HPD: variants seen among roughly 807,000 people sequenced by gnomAD.
The protein encoded by HPD is 4-hydroxyphenylpyruvic acid oxidase.
A neutral mutation model predicts 56.9 loss-of-function variants in HPD; 35 were observed. That is an observed-to-expected ratio of 0.62 (90% CI 0.47 to 0.82). The LOEUF (loss-of-function observed/expected upper bound fraction) is 0.82. HPD is among the 40% of genes least tolerant of loss of function. The pLI is 0.00. For synonymous variants in HPD, 186 were observed against 200.2 expected, an observed-to-expected ratio of 0.93 and a Z score of 0.60; for missense variants, 442 against 506.8, an observed-to-expected ratio of 0.87 and a Z score of 1.23.
chr12:121,849,321 C>A (rs553713301), intron 8 of HPD, among the ~76,000 whole-genome samples: 1 of 152,104 alleles, frequency 6.6e-6, no homozygotes, highest in African/African-American at 2.4e-5. Flanking sequence ...TGAGCCACTG[C>A]GCCTGGACTC....
At chr12:121,886,277 T>A in the HPD span, among the ~76,000 whole-genome samples, 14 of 151,684 alleles carry the variant, frequency 9.2e-5, no homozygotes, top group African/African-American at 3.1e-4. Flanking sequence ...CCCGGCTAAA[T>A]TTTTGTATTT....
intron 12 of HPD, among the ~76,000 whole-genome samples, 161 bp from the exon 13 acceptor site, chr12:121,840,209 CT>C (rs1403781675): frequency 2.6e-5 from 4 of 152,184 alleles, no homozygotes; most frequent in African/African-American, 9.7e-5. Context: ...TACTATCCCC[CT>C]ACTACAGTTC....
chr12:121,873,386 A>C, the HPD span, among the ~76,000 whole-genome samples: 11 of 152,218 alleles, frequency 7.2e-5, no homozygotes, highest in African/African-American at 2.6e-4. Flanking sequence ...CTTTCAGCCC[A>C]ATGGGGGTGA....
At chr12:121,886,465 G>A in the HPD span, among the ~76,000 whole-genome samples, 4 of 142,938 alleles carry the variant, frequency 2.8e-5, no homozygotes, top group Non-Finnish European at 1.5e-5. Flanking sequence ...CTCAGGCAGT[G>A]AGCCACCTGC....
At chr12:121,859,100 C>A, upstream of HPD, 1 of 532,914 alleles carries the variant, frequency 1.9e-6, no homozygotes, top group African/African-American at 1.9e-5. Flanking sequence ...CAAGCTTTTC[C>A]AGGACGCTGG....
the HPD span, among the ~76,000 whole-genome samples, chr12:121,881,360 T>G: frequency 6.6e-6 from 1 of 152,170 alleles, no homozygotes; most frequent in Non-Finnish European, 1.5e-5. Flanking sequence ...CCTTATCACC[T>G]TCAGCCAACC....
At chr12:121,873,056 G>A in the HPD span, among the ~76,000 whole-genome samples, 1 of 152,148 alleles carries the variant, frequency 6.6e-6, no homozygotes, top group Admixed American at 6.6e-5. Context: ...GTCAAGCACC[G>A]AGGTAGGGAT....
upstream of HPD, among the ~76,000 whole-genome samples, chr12:121,867,072 C>T (rs924559575): frequency 2.6e-5 from 4 of 152,020 alleles, no homozygotes; most frequent in Non-Finnish European, 5.9e-5. Context: ...CATTTGAGGC[C>T]GGGTGTGGTG....
At chr12:121,848,956 G>A in intron 9 of HPD, 43 bp downstream of exon 9, 1 of 1,427,204 alleles carries the variant, frequency 7.0e-7, no homozygotes, top group Non-Finnish European at 9.9e-7. Context: ...TCCACCGTGA[G>A]GACCCGTCAT....
At chr12:121,872,260 C>A in the HPD span, among the ~76,000 whole-genome samples, 4 of 144,334 alleles carry the variant, frequency 2.8e-5, no homozygotes, top group African/African-American at 1.0e-4. Flanking sequence ...GAGATGGAGT[C>A]TTGCTCTGTC....
chr12:121,844,928 AAAAAAGTTAT>A (rs1430722783), intron 11 of HPD, among the ~76,000 whole-genome samples: 10 of 151,430 alleles, frequency 6.6e-5, no homozygotes, highest in Non-Finnish European at 1.5e-4. Flanking sequence ...ATAAAATACA[AAAAAAGTTAT>A]CCAGGCGTGG....
At chr12:121,885,321 T>C in the HPD span, among the ~76,000 whole-genome samples, 1 of 151,682 alleles carries the variant, frequency 6.6e-6, no homozygotes, top group Admixed American at 6.6e-5. Flanking sequence ...CCTGACTCAA[T>C]CTCCCGAGTA....
rs1032751884 is a variant in HPD at position 121,846,754 on chromosome 12, G to T, written c.831+108C>A. 8.9e-6 allele frequency: 9 copies of T among 1,008,356 alleles called. No homozygotes were observed. In the Admixed American group the frequency reaches 1.6e-4, roughly 18 times the overall value. 62.5% of individuals were successfully genotyped at this position (1,008,356 alleles called of 1,614,324 possible). On this transcript the variant is annotated intron_variant, in intron 11 of 13. Transcript: ENST00000289004. The stretch of plus-strand genomic sequence containing the variant: ...GTGAGGGAGTCCTGTCAGTCTCCCA[G>T]CCCAGAGAAACGGGCCCAGGACTGC...
At chr12:121,877,557 C>T in the HPD span, among the ~76,000 whole-genome samples, 1 of 151,900 alleles carries the variant, frequency 6.6e-6, no homozygotes, top group South Asian at 2.1e-4. Context: ...CATGGTAAGA[C>T]CCCCATCTCT....
intron 7 of HPD, among the ~76,000 whole-genome samples, chr12:121,851,214 A>C (rs907742910): frequency 1.3e-5 from 2 of 151,804 alleles, no homozygotes; most frequent in Admixed American, 1.3e-4. Flanking sequence ...GGGTTTTACC[A>C]TTTTGGCCAG....
intron 9 of HPD, among the ~76,000 whole-genome samples, chr12:121,847,749 CT>C (rs1877635370): frequency 6.6e-6 from 1 of 152,046 alleles, no homozygotes; most frequent in East Asian, 1.9e-4. Flanking sequence ...GTTGGTCAGG[CT>C]GGTCTCGAAC....
Position 121,856,421 on chromosome 12 carries a change from G to A in HPD, c.242-15C>T, listed in dbSNP as rs752624312. ...ATCGCCCATCTCTGTGGCCGGCAGG[G>A]AGAGGATGGCACTGGAGTCTGGAGT... On this transcript the variant is annotated splice_polypyrimidine_tract_variant and intron_variant, in intron 5 of 13. Transcript: ENST00000289004. 3 of 1,613,258 alleles carry A rather than the reference G, an allele frequency of 1.9e-6. No individual in the cohort carries two copies. Among genetic ancestry groups the A allele is most frequent in the Non-Finnish European group, 2.5e-6 (3 of 1,179,216 alleles).
chr12:121,879,502 C>CTTCTCT, the HPD span, among the ~76,000 whole-genome samples: 1 of 151,346 alleles, frequency 6.6e-6, no homozygotes, highest in Admixed American at 6.6e-5. Context: ...CTTCTCTTCT[C>CTTCTCT]TTTTTTCTTT....
chr12:121,869,268 T>G, the HPD span, among the ~76,000 whole-genome samples: 2 of 151,022 alleles, frequency 1.3e-5, no homozygotes, highest in Non-Finnish European at 2.9e-5. Flanking sequence ...GAGAATCGCT[T>G]GAACCTGGGA....
Sources: gnomAD v4.1 joint callset for allele counts (sites outside exome capture counted in the v4.1 genomes callset) on GRCh38, gnomAD v4.1.1 for gene constraint, MANE v1.5 for transcripts, NCBI Gene and HGNC (gene_info 2026-07-23, HGNC 2026-07-21) for gene names.